The following PSPH variants were observed in gnomAD, a reference collection of about 807,000 sequenced individuals.
The protein encoded by PSPH is L-3-phosphoserine phosphatase.
A neutral mutation model predicts 23.4 loss-of-function variants in PSPH; 16 were observed. The ratio of observed to expected loss-of-function variants is 0.68; its 90% CI spans 0.46 to 1.04. The LOEUF (loss-of-function observed/expected upper bound fraction) is 1.04, where lower values mean the gene tolerates loss of function less well. Among genes scored for constraint, PSPH ranks in the 50% least tolerant of loss-of-function variants. The pLI, the probability that PSPH is intolerant of heterozygous loss-of-function variation, is 0.00. For synonymous variants in PSPH, 68 were observed against 99.7 expected (o/e 0.68, Z 1.89); for missense variants, 223 against 273.7 (o/e 0.81, Z 1.31).
chr7:56,021,367 T>A, intron 3 of PSPH, 136 bp from the exon 4 acceptor site: 1 of 774,960 alleles, frequency 1.3e-6, no homozygotes, highest in Non-Finnish European at 2.0e-6. Context: ...GATTCATTTT[T>A]TTTTCCTTTT....
chr7:56,017,792 A>G (rs1788776980), intron 5 of PSPH, among the ~76,000 whole-genome samples: 2 of 143,404 alleles, frequency 1.4e-5, no homozygotes, highest in African/African-American at 5.2e-5. Flanking sequence ...GTGCGATCTC[A>G]GCTCACTGCA....
chr7:56,030,892 CTG>C, intron 3 of PSPH, among the ~76,000 whole-genome samples: 2 of 151,324 alleles, frequency 1.3e-5, no homozygotes, highest in South Asian at 4.2e-4. Context: ...GAGCGAGACT[CTG>C]TGAAAACAAA....
At position 56,048,379 on chromosome 7, in the gene PSPH, G is replaced by A. The variant is rs116669061; in HGVS notation, c.-292+2759C>T. On this transcript the variant is annotated intron_variant, in intron 1 of 7. Transcript: ENST00000275605. ...ATAACTGGCCAGTATTCAAAAAAAT[G>A]CCAAGATCATTAAAGACTGAAAAAT... Among the ~76,000 whole-genome samples, 1,456 of 151,534 alleles carry A rather than the reference G, an allele frequency of 9.6e-3. 17 individuals carry two copies. Among genetic ancestry groups the A allele is most frequent in the African/African-American group, 0.032 (1,333 of 41,360 alleles).
At chr7:56,025,957 C>T (rs538781264) in intron 3 of PSPH, among the ~76,000 whole-genome samples, 1 of 152,158 alleles carries the variant, frequency 6.6e-6, no homozygotes, top group South Asian at 2.1e-4. Flanking sequence ...CCTGGAATCA[C>T]CATATCCCCC....
chr7:56,014,276 A>G (rs184963022), intron 7 of PSPH, among the ~76,000 whole-genome samples: 64 of 152,320 alleles, frequency 4.2e-4, no homozygotes, highest in African/African-American at 1.4e-3. Flanking sequence ...GGGGAAATGA[A>G]ATCAACTTAT....
chr7:56,027,672 A>G (rs1211309414), intron 3 of PSPH, among the ~76,000 whole-genome samples: 1 of 137,960 alleles, frequency 7.2e-6, no homozygotes, highest in Non-Finnish European at 1.6e-5. Context: ...GGATGACAAG[A>G]GCAAGACTCC....
intron 3 of PSPH, among the ~76,000 whole-genome samples, chr7:56,023,409 C>T (rs953856384): frequency 6.6e-6 from 1 of 151,934 alleles, no homozygotes; most frequent in South Asian, 2.1e-4. Context: ...CAGGTGCGCA[C>T]CACTATGCTT....
At chr7:56,042,241 G>T (rs1310072624) in intron 1 of PSPH, among the ~76,000 whole-genome samples, 2 of 148,102 alleles carry the variant, frequency 1.4e-5, no homozygotes, top group Admixed American at 1.4e-4. Flanking sequence ...AAAAAAATCT[G>T]TCTGAAAAAA....
chr7:56,013,685 C>T (rs918230061), intron 7 of PSPH, among the ~76,000 whole-genome samples: 3 of 151,722 alleles, frequency 2.0e-5, no homozygotes, highest in Non-Finnish European at 2.9e-5. Flanking sequence ...AAGCTATGAT[C>T]GCAACACTGC....
chr7:56,035,132 G>C (rs1264337196), intron 1 of PSPH, among the ~76,000 whole-genome samples: 1 of 152,118 alleles, frequency 6.6e-6, no homozygotes. Context: ...CCTGAGGTCA[G>C]GAGTTCGAGA....
chr7:56,020,951 T>C, intron 4 of PSPH, 122 bp downstream of exon 4: 2 of 1,150,248 alleles, frequency 1.7e-6, no homozygotes, highest in Non-Finnish European at 2.6e-6. Flanking sequence ...AATTCAGCTC[T>C]AAGGAATGAA....
chr7:56,012,133 G>A (rs528081981), intron 7 of PSPH, among the ~76,000 whole-genome samples: 1 of 151,428 alleles, frequency 6.6e-6, no homozygotes, highest in Admixed American at 6.6e-5. Flanking sequence ...CTCCTCCTGC[G>A]TCAGCTTCCA....
At chr7:56,023,657 T>A (rs1349406358) in intron 3 of PSPH, among the ~76,000 whole-genome samples, 3 of 152,088 alleles carry the variant, frequency 2.0e-5, no homozygotes, top group Non-Finnish European at 4.4e-5. Context: ...ATATGTCATA[T>A]ACAAGGCTAC....
chr7:56,035,271 G>A (rs900020845), intron 1 of PSPH, among the ~76,000 whole-genome samples: 3 of 152,024 alleles, frequency 2.0e-5, no homozygotes, highest in Non-Finnish European at 4.4e-5. Flanking sequence ...AACCCGGGTG[G>A]GGGGAGGAGG....
chr7:56,048,511 A>C (rs1249604646), intron 1 of PSPH, among the ~76,000 whole-genome samples: 1 of 152,126 alleles, frequency 6.6e-6, no homozygotes, highest in Non-Finnish European at 1.5e-5. Flanking sequence ...TAATTAGCAA[A>C]ATTTGAATGA....
chr7:56,041,485 A>ACAGGCAT lies in PSPH; in HGVS notation c.-291-7386_-291-7380dup, dbSNP rs538469914. On this transcript the variant is annotated intron_variant, in intron 1 of 7. Transcript: ENST00000275605. ...CTAGGCCTCCCGAAGTGCTGGGATT[A>ACAGGCAT]CAGGCATGAGCCACCTAGTCTGGCC... Among the ~76,000 whole-genome samples, 151 of 151,866 alleles carry ACAGGCAT rather than the reference A, an allele frequency of 9.9e-4. 1 individual carries two copies. The highest frequency in any genetic ancestry group is 1.6e-3 in the Non-Finnish European group (108 of 67,930).
At position 56,025,268 on chromosome 7, in the gene PSPH, TAC is replaced by T. The variant is rs142794587; in HGVS notation, c.-19-4039_-19-4038del. ...TTATTCACATGCACATGCACACACATACACACACACACATTTTTTTTTATTTT... is the reference window on the plus strand; with the variant it reads ...TTATTCACATGCACATGCACACACATACACACACACATTTTTTTTTATTTT... On this transcript the variant is annotated intron_variant, in intron 3 of 7. Coordinates refer to ENST00000275605, the MANE Select transcript of PSPH (RefSeq NM_004577.4). Among the ~76,000 whole-genome samples the T allele has an allele frequency of 7.3e-3, 1,099 of 151,510 alleles. 11 individuals are homozygous for T. The highest frequency in any genetic ancestry group is 0.024 in the African/African-American group (992 of 41,282).
At chr7:56,018,329 C>T (rs1788855230) in intron 5 of PSPH, among the ~76,000 whole-genome samples, 1 of 151,382 alleles carries the variant, frequency 6.6e-6, no homozygotes, top group South Asian at 2.1e-4. Context: ...GGCAACAGTG[C>T]GAGACTCTGT....
chr7:56,045,859 C>T (rs1584513950), intron 1 of PSPH, among the ~76,000 whole-genome samples: 3 of 149,128 alleles, frequency 2.0e-5, no homozygotes, highest in Admixed American at 6.8e-5. Context: ...TGCACTCTAG[C>T]CTGGGTGACA....
Sources: allele counts gnomAD v4.1 joint callset (sites outside exome capture counted in the v4.1 genomes callset), GRCh38; gene constraint gnomAD v4.1.1; transcripts MANE v1.5; gene names NCBI Gene and HGNC (gene_info 2026-07-23, HGNC 2026-07-21).